Variants in APBB2 observed in about 807,000 individuals in gnomAD.
APBB2 encodes the protein Fe65-like 1.
Under a neutral mutation model 82.5 loss-of-function variants are expected in APBB2, and 38 were observed. That is an observed-to-expected ratio of 0.46 (90% confidence interval 0.36 to 0.60). The LOEUF is 0.60. APBB2 is among the 20% of genes least tolerant of loss of function. The pLI is 0.00. For synonymous variants in APBB2, 341 were observed against 368.2 expected (o/e 0.93, Z 0.85); for missense variants, 772 against 972.3 (o/e 0.79, Z 2.74).
chr4:41,000,961 A>G (rs771937669), intron 6 of APBB2, among the ~76,000 whole-genome samples: 33 of 152,338 alleles, frequency 2.2e-4, no homozygotes, highest in Non-Finnish European at 4.3e-4. Context: ...GGAGAAAGGG[A>G]AGAGCACAGG....
chr4:40,873,620 C>T (rs1251656902), intron 12 of APBB2, among the ~76,000 whole-genome samples: 2 of 152,226 alleles, frequency 1.3e-5, no homozygotes, highest in East Asian at 1.9e-4. Context: ...TGCTACTCTT[C>T]GCAATGAGAT....
chr4:40,989,981 G>A (rs1460291135), intron 6 of APBB2, among the ~76,000 whole-genome samples: 2 of 152,208 alleles, frequency 1.3e-5, no homozygotes, highest in African/African-American at 4.8e-5. Flanking sequence ...AAAACTTATA[G>A]AGAGGAGCCT....
rs758449148 is a variant in APBB2, at chr4:40,810,811, A to C, written c.*5281T>G. On this transcript the variant is annotated 3_prime_UTR_variant, in exon 18 of 18. Coordinates refer to ENST00000508593, the MANE Select transcript of APBB2 (RefSeq NM_004307.2). ...ATCCTCTTATCCCACCCAGATTTCTATCTGGTTGGTTAGGGTAGTCCATGC... is the reference window on the plus strand; with the variant it reads ...ATCCTCTTATCCCACCCAGATTTCTCTCTGGTTGGTTAGGGTAGTCCATGC... 2 of 152,162 alleles carry C rather than the reference A, an allele frequency of 1.3e-5. No individual in the cohort carries two copies. Among genetic ancestry groups the C allele is most frequent in the Non-Finnish European group, 2.9e-5 (2 of 68,024 alleles). 9.4% of individuals were successfully genotyped at this position (152,162 alleles called of 1,614,324 possible). A position where few individuals can be genotyped will look rare whatever the true frequency, so the allele number is the denominator to read the frequency against.
intron 6 of APBB2, among the ~76,000 whole-genome samples, chr4:40,999,211 C>T (rs538785157): frequency 6.6e-6 from 1 of 152,252 alleles, no homozygotes; most frequent in South Asian, 2.1e-4. Flanking sequence ...GAGGCTGAGA[C>T]AGGAGGATTG....
chr4:41,181,011 A>G, intron 1 of APBB2, among the ~76,000 whole-genome samples: 1 of 152,224 alleles, frequency 6.6e-6, no homozygotes, highest in East Asian at 1.9e-4. Context: ...TGCTCTCTTC[A>G]AAAGAGCAGG....
At chr4:40,893,905 C>T (rs756950649) in intron 10 of APBB2, among the ~76,000 whole-genome samples, 5 of 152,094 alleles carry the variant, frequency 3.3e-5, no homozygotes, top group Non-Finnish European at 2.9e-5. Context: ...ACCCAGGAGG[C>T]GGAGGTTGCA....
At chr4:41,059,642 G>C (rs1729075941) in intron 4 of APBB2, among the ~76,000 whole-genome samples, 1 of 152,244 alleles carries the variant, frequency 6.6e-6, no homozygotes, top group Non-Finnish European at 1.5e-5. Flanking sequence ...CAGTTAACTA[G>C]CCCAACCTAT....
At chr4:41,154,174 G>A (rs1056557262) in intron 1 of APBB2, among the ~76,000 whole-genome samples, 1 of 152,188 alleles carries the variant, frequency 6.6e-6, no homozygotes, top group Non-Finnish European at 1.5e-5. Flanking sequence ...TTCTCCAGCT[G>A]TTTGAATTAT....
intron 12 of APBB2, among the ~76,000 whole-genome samples, chr4:40,886,808 C>T (rs761112493): frequency 2.2e-4 from 33 of 152,216 alleles, no homozygotes; most frequent in Non-Finnish European, 3.7e-4. Context: ...AGCAGGCCAA[C>T]CTGGGTGCTC....
At chr4:41,052,625 T>C (rs998623886) in intron 4 of APBB2, among the ~76,000 whole-genome samples, 1 of 152,154 alleles carries the variant, frequency 6.6e-6, no homozygotes, top group African/African-American at 2.4e-5. Context: ...CAAGGGCTAA[T>C]TGGCTGGTCT....
intron 6 of APBB2, among the ~76,000 whole-genome samples, chr4:40,984,339 A>G (rs1023433282): frequency 7.9e-5 from 12 of 152,130 alleles, no homozygotes; most frequent in Admixed American, 6.6e-4. Flanking sequence ...GAGTGAGTTC[A>G]GAGTCTTCCT....
chr4:41,112,122 G>A (rs1019685710), intron 2 of APBB2, among the ~76,000 whole-genome samples: 1 of 152,230 alleles, frequency 6.6e-6, no homozygotes, highest in Non-Finnish European at 1.5e-5. Flanking sequence ...ACCTGCAGGT[G>A]AGGTGGAAAA....
intron 10 of APBB2, among the ~76,000 whole-genome samples, chr4:40,928,762 C>G (rs1370993381): frequency 1.3e-5 from 2 of 149,852 alleles, no homozygotes; most frequent in East Asian, 3.9e-4. Context: ...GTGTACACCT[C>G]TAATCCCAGC....
intron 1 of APBB2, among the ~76,000 whole-genome samples, chr4:41,183,447 T>G (rs1405924897): frequency 6.6e-6 from 1 of 152,136 alleles, no homozygotes; most frequent in Admixed American, 6.5e-5. Context: ...AGAAATAATG[T>G]CATTGCAGAT....
chr4:40,816,545 A>C (rs1408165908), intron 17 of APBB2, among the ~76,000 whole-genome samples: 1 of 152,226 alleles, frequency 6.6e-6, no homozygotes, highest in Non-Finnish European at 1.5e-5. Context: ...CCTCACAGTC[A>C]ATGAGCTAAT....
intron 6 of APBB2, among the ~76,000 whole-genome samples, chr4:40,947,506 A>C (rs532609335): frequency 2.6e-5 from 4 of 152,366 alleles, no homozygotes; most frequent in African/African-American, 9.6e-5. Flanking sequence ...AGGTACCTAG[A>C]GGTATCATGA....
intron 11 of APBB2, among the ~76,000 whole-genome samples, chr4:40,891,936 G>T (rs940657137): frequency 4.0e-5 from 6 of 151,658 alleles, no homozygotes; most frequent in Admixed American, 1.3e-4. Context: ...GGGAAACATA[G>T]GCCTGGGTTT....
At chr4:41,177,290 G>T (rs1299914341) in intron 1 of APBB2, among the ~76,000 whole-genome samples, 1 of 152,152 alleles carries the variant, frequency 6.6e-6, no homozygotes, top group Non-Finnish European at 1.5e-5. Context: ...ACAGTTAACA[G>T]CTCTGGACAC....
chr4:40,847,646 G>A (rs1424342517), intron 12 of APBB2, among the ~76,000 whole-genome samples: 9 of 152,004 alleles, frequency 5.9e-5, no homozygotes, highest in African/African-American at 2.2e-4. Context: ...TTAAAACCAC[G>A]GTGAGCACCC....
Sources: allele counts gnomAD v4.1 joint callset (sites outside exome capture counted in the v4.1 genomes callset), GRCh38; gene constraint gnomAD v4.1.1; transcripts MANE v1.5; gene names NCBI Gene and HGNC (gene_info 2026-07-23, HGNC 2026-07-21).